Variants in CHRNA7 observed in about 807,000 individuals in gnomAD.
CHRNA7 encodes neuronal acetylcholine receptor subunit alpha-7.
A neutral mutation model predicts 48.0 loss-of-function variants in CHRNA7; 17 were observed. The observed-to-expected ratio is 0.35, with a 90% CI of 0.24 to 0.53. The LOEUF is 0.53. Among genes scored for constraint, CHRNA7 ranks in the 20% least tolerant of loss-of-function variants. CHRNA7 has a pLI of 0.92. For missense variants in CHRNA7, 155 were observed against 577.7 expected, an observed-to-expected ratio of 0.27 and a Z score of 7.50; for synonymous variants, 75 against 242.3, an observed-to-expected ratio of 0.31 and a Z score of 6.41.
chr15:32,138,726 C>CTGTTTTGTTTTGTTTTGTTT (rs1212817087), intron 4 of CHRNA7, among the ~76,000 whole-genome samples: 2 of 73,478 alleles, frequency 2.7e-5, no homozygotes, highest in African/African-American at 5.4e-5. Flanking sequence ...AGCCATTGAC[C>CTGTTTTGTTTTGTTTTGTTT]TGTTATGTTT....
chr15:32,074,792 C>T (rs957818792), intron 2 of CHRNA7, among the ~76,000 whole-genome samples: 2 of 151,860 alleles, frequency 1.3e-5, no homozygotes, highest in Non-Finnish European at 2.9e-5. Flanking sequence ...GGATTACAGG[C>T]ATCCGCCACC....
intron 2 of CHRNA7, among the ~76,000 whole-genome samples, chr15:32,041,269 C>T (rs771299914): frequency 6.6e-6 from 1 of 152,108 alleles, no homozygotes; most frequent in East Asian, 1.9e-4. Context: ...TTCAACAGTC[C>T]CCAACCTTTT....
At chr15:32,051,258 C>G (rs2049669161) in intron 2 of CHRNA7, among the ~76,000 whole-genome samples, 1 of 151,948 alleles carries the variant, frequency 6.6e-6, no homozygotes. Flanking sequence ...AGAGGTGGAG[C>G]CTACGGAGGC....
intron 2 of CHRNA7, among the ~76,000 whole-genome samples, chr15:32,091,532 G>A (rs895598952): frequency 6.6e-6 from 1 of 152,136 alleles, no homozygotes; most frequent in African/African-American, 2.4e-5. Context: ...ACATTTTCAG[G>A]AAATAGAGTG....
intron 4 of CHRNA7, among the ~76,000 whole-genome samples, chr15:32,127,570 A>T (rs919174679): frequency 6.6e-6 from 1 of 151,996 alleles, no homozygotes; most frequent in African/African-American, 2.4e-5. Flanking sequence ...ACATCTTACT[A>T]TGTGGTGGTT....
intron 2 of CHRNA7, among the ~76,000 whole-genome samples, chr15:32,049,277 G>A (rs1432988263): frequency 1.3e-5 from 2 of 151,952 alleles, no homozygotes; most frequent in Non-Finnish European, 2.9e-5. Flanking sequence ...TTGTGTGGCA[G>A]TCTAAGTCTC....
intron 4 of CHRNA7, among the ~76,000 whole-genome samples, chr15:32,122,462 C>T (rs889969086): frequency 1.1e-4 from 16 of 152,166 alleles, no homozygotes; most frequent in African/African-American, 3.4e-4. Flanking sequence ...CATCTTTTCA[C>T]ATTATTTGTG....
intron 1 of CHRNA7, 108 bp from the exon 2 acceptor site, chr15:32,030,790 C>T: frequency 4.7e-6 from 7 of 1,504,436 alleles, no homozygotes; most frequent in South Asian, 1.3e-5. Context: ...GCGGGGGCTG[C>T]TTGTCTGGGC....
intron 2 of CHRNA7, among the ~76,000 whole-genome samples, chr15:32,048,881 G>A (rs925290901): frequency 1.0e-4 from 15 of 150,346 alleles, no homozygotes; most frequent in African/African-American, 2.0e-4. Context: ...CTTTGTTCTC[G>A]TTGGTTTCAA....
chr15:32,102,664 G>A (rs1320651132), intron 3 of CHRNA7: 1 of 152,032 alleles, frequency 6.6e-6, no homozygotes, highest in Non-Finnish European at 1.5e-5. Context: ...TGCCCAAGAT[G>A]AGTTTGTTTT....
intron 4 of CHRNA7, among the ~76,000 whole-genome samples, chr15:32,143,739 C>T (rs956531152): frequency 4.6e-5 from 7 of 152,088 alleles, no homozygotes; most frequent in Admixed American, 3.9e-4. Context: ...AGGATTGCAA[C>T]CCCTGCTTTT....
At chr15:32,153,411 G>A (rs2051674054) in intron 4 of CHRNA7, 1 of 105,682 alleles carries the variant, frequency 9.5e-6, no homozygotes, top group African/African-American at 3.2e-5. Flanking sequence ...AACACAGCAA[G>A]ACTCTGTCTC....
intron 1 of CHRNA7, 48 bp downstream of exon 1, chr15:32,030,697 C>T (rs1217999021): frequency 6.5e-7 from 1 of 1,548,912 alleles, no homozygotes; most frequent in Admixed American, 1.9e-5. Context: ...GGATCCCGGG[C>T]ACATCCCGGG....
At chr15:32,031,718 T>A (rs1325378313) in intron 2 of CHRNA7, among the ~76,000 whole-genome samples, 1 of 152,254 alleles carries the variant, frequency 6.6e-6, no homozygotes, top group African/African-American at 2.4e-5. Flanking sequence ...TAGTGCCCAC[T>A]TCAGTTAGCC....
chr15:32,031,259 T>G (rs1343169224), intron 2 of CHRNA7, among the ~76,000 whole-genome samples: 1 of 152,146 alleles, frequency 6.6e-6, no homozygotes. Context: ...TAAAGCTTAT[T>G]CCATCACCCT....
intron 2 of CHRNA7, among the ~76,000 whole-genome samples, chr15:32,039,893 G>C (rs931846257): frequency 1.3e-5 from 2 of 152,036 alleles, no homozygotes; most frequent in South Asian, 4.2e-4. Context: ...ATCCTTGTAG[G>C]TCTAATAGTT....
intron 4 of CHRNA7, among the ~76,000 whole-genome samples, chr15:32,136,900 C>T (rs1389720741): frequency 1.0e-4 from 15 of 150,264 alleles, no homozygotes; most frequent in South Asian, 6.4e-4. Flanking sequence ...GGCGTGGTGG[C>T]GGGCGCCTGT....
chr15:32,033,972 G>C (rs977030446), intron 2 of CHRNA7, among the ~76,000 whole-genome samples: 6 of 152,118 alleles, frequency 3.9e-5, no homozygotes, highest in Non-Finnish European at 7.4e-5. Context: ...ACATGCTATT[G>C]AGCTCCTGTT....
chr15:32,072,887 G>A (rs2050080057), intron 2 of CHRNA7, among the ~76,000 whole-genome samples: 1 of 152,218 alleles, frequency 6.6e-6, no homozygotes, highest in African/African-American at 2.4e-5. Context: ...GTGCCCAGGT[G>A]GAAGCCTATT....
Sources: allele counts gnomAD v4.1 joint callset (sites outside exome capture counted in the v4.1 genomes callset), GRCh38; gene constraint gnomAD v4.1.1; transcripts MANE v1.5; gene names NCBI Gene and HGNC (gene_info 2026-07-23, HGNC 2026-07-21).